The following NXN variants were observed in gnomAD, a reference collection of about 807,000 sequenced individuals.
NXN encodes nucleoredoxin, also known as nucleoredoxin 1.
NXN carries 16 observed loss-of-function variants against 48.6 expected under a neutral mutation model. The ratio of observed to expected loss-of-function variants is 0.33; its 90% CI spans 0.22 to 0.50. The LOEUF is 0.50. NXN is among the 20% of genes least tolerant of loss of function. The pLI is 0.98. For synonymous variants in NXN, 281 were observed against 269.6 expected (o/e 1.04, Z -0.41); for missense variants, 492 against 605.5 (o/e 0.81, Z 1.97).
chr17:854,012 G>A (rs777047633), intron 1 of NXN, among the ~76,000 whole-genome samples: 26 of 152,046 alleles, frequency 1.7e-4, no homozygotes, highest in South Asian at 8.3e-4. Flanking sequence ...GAGCCACTGC[G>A]CCCGGCCAAT....
At chr17:896,802 C>A in intron 1 of NXN, 1 of 1,089,650 alleles carries the variant, frequency 9.2e-7, no homozygotes, top group South Asian at 1.7e-5. Flanking sequence ...CTACAATAGA[C>A]ACTTGAACCT....
chr17:847,290 G>A (rs1444347141), intron 1 of NXN, among the ~76,000 whole-genome samples: 1 of 151,800 alleles, frequency 6.6e-6, no homozygotes, highest in Non-Finnish European at 1.5e-5. Context: ...CCAGTGCCCA[G>A]TTATAAACCC....
rs182859417 is a variant in NXN, at chr17:855,574, T to C, written c.361-29496A>G. ...GTTTGAATTAGCAGAACTCTCTCTC[T>C]CTGAAAATACACCCCAGAAGGAAGC... On this transcript the variant is annotated intron_variant, in intron 1 of 7. Coordinates refer to ENST00000336868, the MANE Select transcript of NXN (RefSeq NM_022463.5). Among the ~76,000 whole-genome samples the C allele has an allele frequency of 2.8e-4, 43 of 152,306 alleles. No homozygotes were observed. The East Asian group carries it at 7.9e-3, about 28-fold the overall frequency.
At chr17:801,690 T>C (rs1462322739) in intron 7 of NXN, among the ~76,000 whole-genome samples, 4 of 152,122 alleles carry the variant, frequency 2.6e-5, no homozygotes, top group Admixed American at 1.3e-4. Flanking sequence ...GTGATCCGCC[T>C]ACCTTGGCCT....
intron 1 of NXN, among the ~76,000 whole-genome samples, chr17:888,247 C>A (rs2068370133): frequency 6.6e-6 from 1 of 152,178 alleles, no homozygotes; most frequent in African/African-American, 2.4e-5. Context: ...GAGACAGGGC[C>A]TCGCTCTGTT....
chr17:906,069 A>C (rs576676965), intron 1 of NXN, among the ~76,000 whole-genome samples: 2 of 152,210 alleles, frequency 1.3e-5, no homozygotes, highest in Non-Finnish European at 2.9e-5. Flanking sequence ...TCATGTTGAA[A>C]TGTAATCAAT....
chr17:902,744 A>G (rs1340203712), intron 1 of NXN, among the ~76,000 whole-genome samples: 1 of 148,012 alleles, frequency 6.8e-6, no homozygotes, highest in Non-Finnish European at 1.5e-5. Context: ...TGGTACTCAC[A>G]CTATTTTAAC....
chr17:912,798 C>T (rs538311048), intron 1 of NXN, among the ~76,000 whole-genome samples: 4 of 151,854 alleles, frequency 2.6e-5, no homozygotes, highest in Non-Finnish European at 5.9e-5. Context: ...ACTAAAAATA[C>T]GAAAAATTAG....
chr17:895,648 T>C (rs1442717905), intron 1 of NXN, among the ~76,000 whole-genome samples: 2 of 30,186 alleles, frequency 6.6e-5, no homozygotes, highest in African/African-American at 3.8e-4. Flanking sequence ...CCGTCTCTAC[T>C]TAAAATACAA....
chr17:829,187 C>T (rs966188246), intron 1 of NXN, among the ~76,000 whole-genome samples: 35 of 150,890 alleles, frequency 2.3e-4, no homozygotes, highest in African/African-American at 7.8e-4. Context: ...AACAGAGTCT[C>T]GCTCTGTTGC....
chr17:883,199 C>A (rs2068304645), intron 1 of NXN, among the ~76,000 whole-genome samples: 2 of 152,160 alleles, frequency 1.3e-5, no homozygotes, highest in Admixed American at 1.3e-4. Context: ...CTCTCCTGCC[C>A]ATTCCTTCTC....
chr17:885,720 C>G (rs1356104973), intron 1 of NXN, among the ~76,000 whole-genome samples: 77 of 133,198 alleles, frequency 5.8e-4, no homozygotes, highest in African/African-American at 2.0e-3. Context: ...TCGCTCTGTC[C>G]CCCAGGCTGG....
chr17:946,671 C>T (rs773820274), intron 1 of NXN, among the ~76,000 whole-genome samples: 2 of 152,220 alleles, frequency 1.3e-5, no homozygotes, highest in Non-Finnish European at 2.9e-5. Flanking sequence ...AGCCTCGGCG[C>T]CTCACAGGGA....
At chr17:855,874 C>T (rs986464811) in intron 1 of NXN, among the ~76,000 whole-genome samples, 4 of 152,094 alleles carry the variant, frequency 2.6e-5, no homozygotes, top group East Asian at 1.9e-4. Flanking sequence ...ACTCCACAGC[C>T]GGCCCCTGGG....
intron 1 of NXN, among the ~76,000 whole-genome samples, chr17:856,631 C>T (rs555648199): frequency 1.3e-5 from 2 of 151,888 alleles, no homozygotes; most frequent in South Asian, 4.2e-4. Flanking sequence ...GCTGGGATTA[C>T]AGGCACCCAC....
intron 1 of NXN, among the ~76,000 whole-genome samples, chr17:858,360 T>C (rs914639745): frequency 6.6e-6 from 1 of 152,056 alleles, no homozygotes; most frequent in African/African-American, 2.4e-5. Flanking sequence ...AAGAAAAATG[T>C]AAGTAAATGG....
chr17:801,461 T>TTTTTTC (rs1567805722), intron 7 of NXN, among the ~76,000 whole-genome samples: 1 of 148,694 alleles, frequency 6.7e-6, no homozygotes, highest in Admixed American at 6.7e-5. Context: ...TTTTTTTTTT[T>TTTTTTC]TTGAGATGGA....
At chr17:905,270 T>TATATATATAGATATAG (rs1488360942) in intron 1 of NXN, 1 of 149,384 alleles carries the variant, frequency 6.7e-6, no homozygotes, top group Non-Finnish European at 1.5e-5. Flanking sequence ...TATATATATA[T>TATATATATAGATATAG]ATAGATGCCG....
intron 1 of NXN, among the ~76,000 whole-genome samples, chr17:860,805 C>T (rs1006205632): frequency 1.1e-4 from 16 of 152,256 alleles, no homozygotes; most frequent in Non-Finnish European, 1.9e-4. Context: ...TGAGCAGAAA[C>T]ATGTGACCCT....
Sources: gnomAD v4.1 joint callset for allele counts (sites outside exome capture counted in the v4.1 genomes callset) on GRCh38, gnomAD v4.1.1 for gene constraint, MANE v1.5 for transcripts, NCBI Gene and HGNC (gene_info 2026-07-23, HGNC 2026-07-21) for gene names.